The following ENDOV variants were observed in gnomAD, a reference collection of about 807,000 sequenced individuals.
The protein encoded by ENDOV is endonuclease V.
ENDOV carries 37 observed loss-of-function variants against 39.4 expected under a neutral mutation model. The observed-to-expected ratio is 0.94, with a 90% CI of 0.72 to 1.23. The LOEUF (loss-of-function observed/expected upper bound fraction) is 1.23, where lower values mean the gene tolerates loss of function less well. Ranked by LOEUF, ENDOV falls within the 50% of genes most tolerant of loss-of-function variation. ENDOV has a pLI of 0.00. For synonymous variants in ENDOV, 186 were observed against 163.4 expected (o/e 1.14, Z -1.05); for missense variants, 441 against 375.7 (o/e 1.17, Z -1.44).
intron 2 of ENDOV, chr17:80,420,427 A>G (rs1330585411): frequency 6.6e-6 from 1 of 152,190 alleles, no homozygotes; most frequent in Non-Finnish European, 1.5e-5. Flanking sequence ...GACCCTCCCC[A>G]CTTTGGGTCA....
chr17:80,421,745 AG>A (rs1323755180), intron 2 of ENDOV, 82 bp from the exon 3 acceptor site: 3 of 1,508,408 alleles, frequency 2.0e-6, no homozygotes, highest in Non-Finnish European at 1.8e-6. Flanking sequence ...GGGAAGGATG[AG>A]GGGGGCAGGG....
At chr17:80,421,574 G>C (rs2082038464) in intron 2 of ENDOV, among the ~76,000 whole-genome samples, 1 of 137,174 alleles carries the variant, frequency 7.3e-6, no homozygotes, top group African/African-American at 2.8e-5. Flanking sequence ...GGGAGCTGCT[G>C]CTACGGACCA....
rs562132945 is a variant in ENDOV at position 80,424,458 on chromosome 17, C to T, written c.517-574C>T. 2.5e-5 allele frequency: 10 copies of T among 398,262 alleles called. No homozygotes were observed. The South Asian group carries it at 1.2e-3, about 49-fold the overall frequency. 24.7% of individuals were successfully genotyped at this position (398,262 alleles called of 1,614,324 possible). A position where few individuals can be genotyped will look rare whatever the true frequency, so the allele number is the denominator to read the frequency against. On this transcript the variant is annotated intron_variant, in intron 5 of 9. Transcript: ENST00000518137. ...TGGCTGCCAGCCTGGCACAGCGGCCCTGGGCAGATTGTTGCCCTTGTTCTA... is the reference window on the plus strand; with the variant it reads ...TGGCTGCCAGCCTGGCACAGCGGCCTTGGGCAGATTGTTGCCCTTGTTCTA...
At chr17:80,415,502 G>A (rs925412120) in intron 1 of ENDOV, 148 bp from the exon 2 acceptor site, 4 of 1,155,154 alleles carry the variant, frequency 3.5e-6, no homozygotes, top group Admixed American at 2.7e-5. Flanking sequence ...GGGCTCCTAG[G>A]GACTGTGGCC....
intron 3 of ENDOV, 58 bp downstream of exon 3, chr17:80,422,020 A>G: frequency 6.3e-7 from 1 of 1,586,196 alleles, no homozygotes; most frequent in Non-Finnish European, 8.6e-7. Context: ...GGGGGAGGGA[A>G]GGCTGCTGCA....
At chr17:80,421,143 G>A (rs1276458797) in intron 2 of ENDOV, among the ~76,000 whole-genome samples, 2 of 149,720 alleles carry the variant, frequency 1.3e-5, no homozygotes, top group African/African-American at 4.9e-5. Flanking sequence ...GGGGGCTCCC[G>A]CGGACCTGAT....
At chr17:80,423,480 G>A in intron 4 of ENDOV, 40 bp from the exon 5 acceptor site, 35 of 796,276 alleles carry the variant, frequency 4.4e-5, no homozygotes, top group Non-Finnish European at 6.4e-5. Context: ...CCAGGCCCCA[G>A]CCCCACCTCC....
At chr17:80,423,484 C>CCCCAACCCCA in intron 4 of ENDOV, 36 bp from the exon 5 acceptor site, 2 of 1,286,694 alleles carry the variant, frequency 1.6e-6, no homozygotes, top group Non-Finnish European at 1.1e-6. Context: ...GCCCCAGCCC[C>CCCCAACCCCA]ACCTCCCCAA....
chr17:80,431,315 T>C (rs72852644), intron 9 of ENDOV, among the ~76,000 whole-genome samples: 440 of 152,246 alleles, frequency 2.9e-3, no homozygotes, highest in Non-Finnish European at 4.6e-3. Flanking sequence ...ACTCGAAAGC[T>C]GCTTTGGAGG....
chr17:80,421,260 A>AGGGAATCCTACAGACCAGG (rs2081979201), intron 2 of ENDOV, among the ~76,000 whole-genome samples: 1 of 150,886 alleles, frequency 6.6e-6, no homozygotes. Context: ...TATGAACTAG[A>AGGGAATCCTACAGACCAGG]TCCCGGGGAA....
intron 1 of ENDOV, 183 bp downstream of exon 1, chr17:80,415,433 C>G (rs2144746165): frequency 1.0e-6 from 1 of 971,812 alleles, no homozygotes; most frequent in East Asian, 2.6e-5. Context: ...GCGGGGTGGG[C>G]GCGGTTCTCG....
chr17:80,423,707 C>A, intron 5 of ENDOV, 75 bp downstream of exon 5: 2 of 1,392,884 alleles, frequency 1.4e-6, no homozygotes, highest in Non-Finnish European at 2.0e-6. Context: ...CATGAGGACA[C>A]TTCTGGACCA....
chr17:80,428,556 A>G, intron 7 of ENDOV, 40 bp from the exon 8 acceptor site: 3 of 1,553,848 alleles, frequency 1.9e-6, no homozygotes, highest in Non-Finnish European at 2.6e-6. Context: ...ACTGGTCTAG[A>G]GACCAGCTCA....
chr17:80,437,832 A>G lies in ENDOV; in HGVS notation c.*1689A>G, dbSNP rs1356745091. 1 of 152,206 alleles carries G rather than the reference A, an allele frequency of 6.6e-6. No individual in the cohort carries two copies. The highest frequency in any genetic ancestry group is 1.5e-5 in the Non-Finnish European group (1 of 68,020). The allele number at this position is 152,206 out of a possible 1,614,324, so 9.4% of individuals were successfully genotyped here. A position where few individuals can be genotyped will look rare whatever the true frequency, so the allele number is the denominator to read the frequency against. On this transcript the variant is annotated 3_prime_UTR_variant, in exon 10 of 10. Coordinates refer to ENST00000518137, the MANE Select transcript of ENDOV (RefSeq NM_173627.5). Reference sequence around the variant, plus strand: ...AAAATGTTGGCCAAGGTTAGCGATTATGCTTCTGTAATCTGTAACCAGAAG... The same window carrying G: ...AAAATGTTGGCCAAGGTTAGCGATTGTGCTTCTGTAATCTGTAACCAGAAG...
chr17:80,426,068 C>A (rs937984611), intron 7 of ENDOV, among the ~76,000 whole-genome samples: 2 of 152,290 alleles, frequency 1.3e-5, no homozygotes, highest in African/African-American at 2.4e-5. Flanking sequence ...TTGGGTATGC[C>A]CGCCCCAGGA....
At chr17:80,423,165 C>T (rs903992983) in intron 4 of ENDOV, among the ~76,000 whole-genome samples, 6 of 152,332 alleles carry the variant, frequency 3.9e-5, no homozygotes, top group African/African-American at 4.8e-5. Flanking sequence ...TGTCATGTGC[C>T]GACCCACATG....
chr17:80,430,375 ATTTGTTTG>A, intron 9 of ENDOV: 2 of 1,512,170 alleles, frequency 1.3e-6, no homozygotes, highest in Non-Finnish European at 1.8e-6. Context: ...TATTTCACAT[ATTTGTTTG>A]TTTGTTTATT....
At chr17:80,427,271 C>T (rs1481378835) in intron 7 of ENDOV, among the ~76,000 whole-genome samples, 1 of 152,236 alleles carries the variant, frequency 6.6e-6, no homozygotes, top group Non-Finnish European at 1.5e-5. Flanking sequence ...AGAGAGAACC[C>T]AAGAAACTGT....
intron 9 of ENDOV, among the ~76,000 whole-genome samples, 184 bp from the exon 10 acceptor site, chr17:80,435,949 C>G (rs915335941): frequency 5.3e-5 from 8 of 152,032 alleles, no homozygotes; most frequent in Non-Finnish European, 1.2e-4. Flanking sequence ...AAGACAGGGT[C>G]TCACCATGTT....
Sources: gnomAD v4.1 joint callset for allele counts (sites outside exome capture counted in the v4.1 genomes callset) on GRCh38, gnomAD v4.1.1 for gene constraint, MANE v1.5 for transcripts, NCBI Gene and HGNC (gene_info 2026-07-23, HGNC 2026-07-21) for gene names.